Variants in PTTG1IP observed in about 807,000 individuals in gnomAD.
PTTG1IP encodes the protein PTTG1 interacting protein, also known as pituitary tumor-transforming gene 1 protein-interacting protein.
A neutral mutation model predicts 24.4 loss-of-function variants in PTTG1IP; 16 were observed. The observed-to-expected ratio is 0.66, with a 90% confidence interval of 0.44 to 1.00. The LOEUF is 1.00. Among genes scored for constraint, PTTG1IP ranks in the 50% least tolerant of loss-of-function variants. The pLI is 0.00. For synonymous variants in PTTG1IP, 89 were observed against 96.8 expected, an observed-to-expected ratio of 0.92 and a Z score of 0.47; for missense variants, 241 against 245.8, an observed-to-expected ratio of 0.98 and a Z score of 0.13.
At chr21:44,865,765 T>C (rs1023946689) in intron 1 of PTTG1IP, 23 of 462,456 alleles carry the variant, frequency 5.0e-5, no homozygotes, top group East Asian at 4.5e-4. Flanking sequence ...TGAGAGGAAG[T>C]GTGCCCTGTG....
At chr21:44,862,053 TG>T (rs1396370084) in intron 2 of PTTG1IP, 1 of 572,898 alleles carries the variant, frequency 1.7e-6, no homozygotes, top group Non-Finnish European at 3.2e-6. Flanking sequence ...GAGGCCGCAG[TG>T]GTGTGGAGAC....
At position 44,850,673 on chromosome 21, in the gene PTTG1IP, C is replaced by T. The variant is rs988704433; in HGVS notation, c.*908G>A. The T allele has an allele frequency of 6.6e-6, 1 of 152,356 alleles. No homozygotes were observed. Among genetic ancestry groups the T allele is most frequent in the Admixed American group, 6.5e-5 (1 of 15,286 alleles). The allele number at this position is 152,356 out of a possible 1,614,324, so 9.4% of individuals were successfully genotyped here. A position where few individuals can be genotyped will look rare whatever the true frequency, so the allele number is the denominator to read the frequency against. On this transcript the variant is annotated 3_prime_UTR_variant, in exon 6 of 6. Transcript: ENST00000330938. ...CCCCACGATCCCTAAATGGCCACCC[C>T]CCAGACAGCCCAACAGGCAGCGAGA...
In PTTG1IP at chr21:44,859,257, A is replaced by C. The variant is rs58244480; in HGVS notation, c.277+1906T>G. Among the ~76,000 whole-genome samples the C allele has an allele frequency of 0.017, 2,603 of 152,320 alleles. 278 individuals carry two copies. In the East Asian group the frequency reaches 0.31, roughly 18 times the overall value. ...AGTAACATTAATCTGTGGTGACGGG[A>C]AGTCCAGTCAGTGGCTCCCATGGGG... On this transcript the variant is annotated intron_variant, in intron 3 of 5. Coordinates refer to ENST00000330938, the MANE Select transcript of PTTG1IP (RefSeq NM_004339.4).
rs541812379 is a variant in PTTG1IP, at chr21:44,870,069, T to C, written c.115+3433A>G. ...GTCAGTCTGAGTCAGCGGAGAGGCA[T>C]GAGAGGAAGAGGGAGAGAAAAACCG... On this transcript the variant is annotated intron_variant, in intron 1 of 5. Transcript: ENST00000330938. Among the ~76,000 whole-genome samples the C allele has an allele frequency of 1.6e-3, 251 of 152,204 alleles. 1 individual carries two copies. Among genetic ancestry groups the C allele is most frequent in the Non-Finnish European group, 1.3e-3 (86 of 68,000 alleles).
chr21:44,861,363 C>CCACAGAGCGATGGCA, intron 2 of PTTG1IP, 92 bp from the exon 3 acceptor site: 1 of 1,075,284 alleles, frequency 9.3e-7, no homozygotes, highest in Non-Finnish European at 1.4e-6. Context: ...GTGCTGCCAT[C>CCACAGAGCGATGGCA]GCTCTGTGGA....
chr21:44,857,989 C>T (rs549427515), intron 3 of PTTG1IP, among the ~76,000 whole-genome samples: 1 of 152,242 alleles, frequency 6.6e-6, no homozygotes, highest in South Asian at 2.1e-4. Flanking sequence ...CATATCTACC[C>T]CTCAGATAGC....
At chr21:44,863,955 G>A (rs907817959) in intron 2 of PTTG1IP, among the ~76,000 whole-genome samples, 4 of 152,112 alleles carry the variant, frequency 2.6e-5, no homozygotes, top group African/African-American at 4.8e-5. Context: ...CATCTTTCCC[G>A]GCCTCCTCAA....
intron 2 of PTTG1IP, 23 bp downstream of exon 2, chr21:44,865,372 T>G (rs1447914479): frequency 5.6e-6 from 9 of 1,612,738 alleles, no homozygotes; most frequent in Non-Finnish European, 7.6e-6. Flanking sequence ...GGCACTCTGG[T>G]CTCTAGTCCA....
chr21:44,861,897 G>A (rs1425189890), intron 2 of PTTG1IP: 1 of 714,690 alleles, frequency 1.4e-6, no homozygotes, highest in Non-Finnish European at 2.6e-6. Context: ...CTGTAGCAAG[G>A]ACCATGCTTC....
In PTTG1IP at chr21:44,866,209, A is replaced by AACACACACACAC. The variant is rs35473745; in HGVS notation, c.116-774_116-763dup. The stretch of plus-strand genomic sequence containing the variant: ...TGACTGCCTACTCCCCCAATCCTGT[A>AACACACACACAC]ACACACACACACACACACACACAGC... On this transcript the variant is annotated intron_variant, in intron 1 of 5. Transcript: ENST00000330938. Among the ~76,000 whole-genome samples, 5 of 124,500 alleles carry AACACACACACAC rather than the reference A, an allele frequency of 4.0e-5. No homozygotes were observed. The East Asian group carries it at 7.2e-4, about 18-fold the overall frequency. 81.7% of individuals were successfully genotyped at this position (124,500 alleles called of 152,430 possible).
intron 3 of PTTG1IP, among the ~76,000 whole-genome samples, chr21:44,857,707 G>A (rs887869389): frequency 5.9e-5 from 9 of 152,308 alleles, no homozygotes; most frequent in Admixed American, 2.0e-4. Context: ...TGGGGCTCCC[G>A]CAGCCTCACC....
intron 2 of PTTG1IP, among the ~76,000 whole-genome samples, chr21:44,862,792 G>T (rs1389996715): frequency 6.6e-6 from 1 of 152,316 alleles, no homozygotes; most frequent in South Asian, 2.1e-4. Flanking sequence ...CCAGCATAAT[G>T]TAACAATTAA....
chr21:44,872,455 G>A (rs929807675), intron 1 of PTTG1IP, among the ~76,000 whole-genome samples: 2 of 152,164 alleles, frequency 1.3e-5, no homozygotes, highest in African/African-American at 4.8e-5. Flanking sequence ...CTGGGCCCAG[G>A]TCAACCCTAA....
chr21:44,851,541 C>T lies in PTTG1IP; in HGVS notation c.*40G>A. On this transcript the variant is annotated 3_prime_UTR_variant, in exon 6 of 6. Coordinates refer to ENST00000330938, the MANE Select transcript of PTTG1IP (RefSeq NM_004339.4). ...CGGCTGGGCTGGGCTGCGGAGCGTG[C>T]ACCTCACAGGAAGCGTCGGGACTGA... The T allele has an allele frequency of 6.2e-7, 1 of 1,613,692 alleles. No individual in the cohort carries two copies. The highest frequency in any genetic ancestry group is 2.2e-5 in the East Asian group (1 of 44,850).
At chr21:44,861,952 G>T in intron 2 of PTTG1IP, 1 of 676,432 alleles carries the variant, frequency 1.5e-6, no homozygotes. Context: ...CAGCTTGAAA[G>T]ATGATGCAAC....
Position 44,855,168 on chromosome 21 carries a change from C to A in PTTG1IP, c.496+42G>T, listed in dbSNP as rs781366359. On this transcript the variant is annotated intron_variant, in intron 5 of 5. Transcript: ENST00000330938. ...AACGAGGACCGAGACAGCGTGCCAT[C>A]GCCTCCCAACCAGACAAAAAGGAGG... 2.6e-6 allele frequency: 4 copies of A among 1,566,614 alleles called. No individual in the cohort carries two copies. In the East Asian group the frequency reaches 9.0e-5, roughly 35 times the overall value.
chr21:44,860,680 C>T (rs1022735476), intron 3 of PTTG1IP, among the ~76,000 whole-genome samples: 12 of 152,182 alleles, frequency 7.9e-5, no homozygotes, highest in Admixed American at 5.9e-4. Context: ...TGAAGGAGGT[C>T]CTCCAGGTTC....
chr21:44,872,792 T>G (rs1462968890), intron 1 of PTTG1IP: 1 of 152,374 alleles, frequency 6.6e-6, no homozygotes, highest in African/African-American at 2.4e-5. Flanking sequence ...GAGCTCTGGC[T>G]GTCGGTCACC....
In PTTG1IP at chr21:44,859,125, C is replaced by T. The variant is rs185205791; in HGVS notation, c.277+2038G>A. On this transcript the variant is annotated intron_variant, in intron 3 of 5. Transcript: ENST00000330938. ...AGCATGGCTGAACAGCTGTAGAACA[C>T]TGCACGAGAAAGATAACTGGTGCAG... Among the ~76,000 whole-genome samples the T allele has an allele frequency of 3.3e-5, 5 of 152,356 alleles. No homozygotes were observed. In the East Asian group the frequency reaches 7.7e-4, roughly 23 times the overall value.
Sources: gnomAD v4.1 joint callset for allele counts (sites outside exome capture counted in the v4.1 genomes callset) on GRCh38, gnomAD v4.1.1 for gene constraint, MANE v1.5 for transcripts, NCBI Gene and HGNC (gene_info 2026-07-23, HGNC 2026-07-21) for gene names.